Variants in CPQ observed in about 807,000 individuals in gnomAD.
CPQ encodes the protein carboxypeptidase Q.
Under a neutral mutation model 45.7 loss-of-function variants are expected in CPQ, and 37 were observed. The ratio of observed to expected loss-of-function variants is 0.81; its 90% confidence interval spans 0.62 to 1.07. The LOEUF is 1.07. Ranked by LOEUF, CPQ falls within the 50% of genes least tolerant of loss-of-function variation. The pLI, the probability that CPQ is intolerant of heterozygous loss-of-function variation, is 0.00. For synonymous variants in CPQ, 186 were observed against 205.8 expected (o/e 0.90, Z 0.82); for missense variants, 537 against 572.9 (o/e 0.94, Z 0.64).
intron 3 of CPQ, among the ~76,000 whole-genome samples, chr8:96,879,491 C>A (rs1812191260): frequency 2.0e-5 from 3 of 152,072 alleles, no homozygotes; most frequent in Non-Finnish European, 4.4e-5. Flanking sequence ...GATGTGTGTA[C>A]CTTTTGATCA....
At chr8:96,661,415 C>G (rs902613633) in intron 1 of CPQ, among the ~76,000 whole-genome samples, 2 of 152,052 alleles carry the variant, frequency 1.3e-5, no homozygotes, top group Non-Finnish European at 2.9e-5. Context: ...TTGGATTGCC[C>G]TAAAAATCCC....
At chr8:96,789,925 A>T (rs1009877593) in intron 2 of CPQ, among the ~76,000 whole-genome samples, 1 of 152,062 alleles carries the variant, frequency 6.6e-6, no homozygotes, top group African/African-American at 2.4e-5. Flanking sequence ...ATGACCTAGG[A>T]CATGTGTGTA....
In CPQ at chr8:96,645,288, G is replaced by T. The variant is rs960984875; in HGVS notation, c.-149G>T. On this transcript the variant is annotated 5_prime_UTR_variant, in exon 1 of 8. Coordinates refer to ENST00000220763, the MANE Select transcript of CPQ (RefSeq NM_016134.4). ...CGGCAAGCAGGGCTGCAGTCACGGG[G>T]CGGCGCGGAGGGCCCCAGCCCAGTC... 1 of 152,280 alleles carries T rather than the reference G, an allele frequency of 6.6e-6. No homozygotes were observed. The highest frequency in any genetic ancestry group is 1.5e-5 in the Non-Finnish European group (1 of 68,096). The allele number at this position is 152,280 out of a possible 1,614,324, so 9.4% of individuals were successfully genotyped here.
At chr8:96,841,707 A>G (rs1274439236) in intron 3 of CPQ, among the ~76,000 whole-genome samples, 1 of 152,176 alleles carries the variant, frequency 6.6e-6, no homozygotes, top group African/African-American at 2.4e-5. Context: ...TGTGTACTGT[A>G]TTGACAGAGT....
At chr8:96,977,433 A>C (rs1210706773) in intron 5 of CPQ, among the ~76,000 whole-genome samples, 1 of 151,880 alleles carries the variant, frequency 6.6e-6, no homozygotes, top group Non-Finnish European at 1.5e-5. Flanking sequence ...CAGTGTGGAT[A>C]ATCTTTAAAG....
At chr8:97,101,365 T>C (rs1586541735) in intron 7 of CPQ, among the ~76,000 whole-genome samples, 9 of 151,914 alleles carry the variant, frequency 5.9e-5, no homozygotes, top group Admixed American at 3.9e-4. Flanking sequence ...CTGCCCACAA[T>C]TGATCAAATT....
intron 1 of CPQ, among the ~76,000 whole-genome samples, chr8:96,646,799 C>G (rs1289483427): frequency 6.6e-6 from 1 of 152,210 alleles, no homozygotes; most frequent in African/African-American, 2.4e-5. Flanking sequence ...TCATGGAGTT[C>G]TGCTTACTTC....
chr8:97,075,747 G>C (rs999882717), intron 7 of CPQ, among the ~76,000 whole-genome samples: 16 of 152,066 alleles, frequency 1.1e-4, no homozygotes, highest in Admixed American at 7.9e-4. Context: ...TATATGAAGT[G>C]ATTTTAAAGT....
chr8:97,082,874 ACT>A (rs1327200348), intron 7 of CPQ, among the ~76,000 whole-genome samples: 1 of 152,024 alleles, frequency 6.6e-6, no homozygotes, highest in African/African-American at 2.4e-5. Context: ...TTATAGGAAC[ACT>A]CTCTACAGCT....
chr8:97,088,463 A>G (rs1385128819), intron 7 of CPQ, among the ~76,000 whole-genome samples: 1 of 152,210 alleles, frequency 6.6e-6, no homozygotes, highest in Admixed American at 6.5e-5. Context: ...TTTTACACAA[A>G]TTGCTTACTT....
intron 7 of CPQ, among the ~76,000 whole-genome samples, chr8:97,128,513 C>T (rs1324056322): frequency 1.3e-5 from 2 of 152,120 alleles, no homozygotes; most frequent in African/African-American, 2.4e-5. Flanking sequence ...GGTGAAACCT[C>T]GTTTCTACTA....
At chr8:96,694,165 C>T (rs1809340822) in intron 1 of CPQ, among the ~76,000 whole-genome samples, 1 of 151,726 alleles carries the variant, frequency 6.6e-6, no homozygotes, top group Admixed American at 6.6e-5. Context: ...ATAAAATGAC[C>T]TTCACAAAAA....
chr8:97,134,851 T>C (rs900738636), intron 7 of CPQ, among the ~76,000 whole-genome samples: 7 of 152,196 alleles, frequency 4.6e-5, no homozygotes, highest in African/African-American at 1.7e-4. Flanking sequence ...GCCAATTCAA[T>C]GAAATCATCT....
chr8:96,710,737 A>G (rs1809596461), intron 1 of CPQ, among the ~76,000 whole-genome samples: 1 of 152,114 alleles, frequency 6.6e-6, no homozygotes, highest in African/African-American at 2.4e-5. Context: ...GTTTTAAAAA[A>G]CTTAATGAGA....
chr8:96,974,085 A>G (rs1361363818), intron 5 of CPQ, among the ~76,000 whole-genome samples: 1 of 152,194 alleles, frequency 6.6e-6, no homozygotes, highest in Non-Finnish European at 1.5e-5. Context: ...GACAGAATGG[A>G]TAAGAATGCA....
intron 4 of CPQ, among the ~76,000 whole-genome samples, chr8:96,896,412 T>C (rs1034924572): frequency 6.6e-6 from 1 of 152,170 alleles, no homozygotes. Context: ...TAGAGTCTTT[T>C]CCCAGAAGAC....
At chr8:96,967,853 C>T (rs1052652468) in intron 5 of CPQ, among the ~76,000 whole-genome samples, 4 of 152,162 alleles carry the variant, frequency 2.6e-5, no homozygotes, top group Admixed American at 1.3e-4. Flanking sequence ...GTTACTTTGC[C>T]TCTCTGTGCC....
At chr8:96,985,538 C>G (rs1001292719) in intron 5 of CPQ, among the ~76,000 whole-genome samples, 4 of 152,070 alleles carry the variant, frequency 2.6e-5, no homozygotes, top group African/African-American at 9.7e-5. Flanking sequence ...TAGCCTGATG[C>G]TTGGCATCTG....
chr8:97,088,241 G>A (rs1250385279), intron 7 of CPQ, among the ~76,000 whole-genome samples: 1 of 152,184 alleles, frequency 6.6e-6, no homozygotes, highest in African/African-American at 2.4e-5. Context: ...TGCCAAGCTG[G>A]TAGTGGGTAA....
Sources: allele counts gnomAD v4.1 joint callset (sites outside exome capture counted in the v4.1 genomes callset), GRCh38; gene constraint gnomAD v4.1.1; transcripts MANE v1.5; gene names NCBI Gene and HGNC (gene_info 2026-07-23, HGNC 2026-07-21).